The following MTHFD1L variants were observed in gnomAD, a reference collection of about 807,000 sequenced individuals.
MTHFD1L encodes monofunctional C1-tetrahydrofolate synthase, mitochondrial.
A neutral mutation model predicts 119.5 loss-of-function variants in MTHFD1L; 81 were observed. That is an observed-to-expected ratio of 0.68 (90% CI 0.57 to 0.82). The LOEUF (loss-of-function observed/expected upper bound fraction) is 0.82. Among genes scored for constraint, MTHFD1L ranks in the 40% least tolerant of loss-of-function variants. The pLI is 0.00. For missense variants in MTHFD1L, 1,125 were observed against 1,253.4 expected, an observed-to-expected ratio of 0.90 and a Z score of 1.55; for synonymous variants, 430 against 475.2, an observed-to-expected ratio of 0.90 and a Z score of 1.24.
intron 24 of MTHFD1L, among the ~76,000 whole-genome samples, chr6:151,026,329 A>C (rs899065238): frequency 2.0e-5 from 3 of 152,222 alleles, no homozygotes; most frequent in East Asian, 1.9e-4. Context: ...AGACTGTGCC[A>C]CCAATATAAC....
At chr6:150,932,843 G>GAAGGAAGGAAGGAA (rs1432193734) in intron 11 of MTHFD1L, among the ~76,000 whole-genome samples, 3 of 141,784 alleles carry the variant, frequency 2.1e-5, no homozygotes, top group African/African-American at 8.3e-5. Context: ...AGGAAGGAAG[G>GAAGGAAGGAAGGAA]GAGAGAGAGT....
intron 8 of MTHFD1L, 49 bp downstream of exon 8, chr6:150,905,810 C>A: frequency 7.3e-7 from 1 of 1,372,170 alleles, no homozygotes; most frequent in Non-Finnish European, 1.0e-6. Context: ...TCAGATAGTT[C>A]AAAGAAATGT....
chr6:150,956,528 G>T (rs1317066451), intron 17 of MTHFD1L, among the ~76,000 whole-genome samples: 1 of 152,208 alleles, frequency 6.6e-6, no homozygotes, highest in South Asian at 2.1e-4. Flanking sequence ...TACAAAAATG[G>T]CTTATTAATA....
chr6:150,899,816 A>G (rs1784824649), intron 7 of MTHFD1L, among the ~76,000 whole-genome samples: 1 of 151,872 alleles, frequency 6.6e-6, no homozygotes, highest in Middle Eastern at 3.2e-3. Flanking sequence ...TACTAAAAAT[A>G]CAAAAATTAG....
At chr6:150,996,808 G>A (rs189254883) in intron 20 of MTHFD1L, among the ~76,000 whole-genome samples, 7 of 145,206 alleles carry the variant, frequency 4.8e-5, no homozygotes, top group South Asian at 2.2e-4. Context: ...GAAAGTAGGC[G>A]TGTAGAAGCA....
rs901536180 is a variant in MTHFD1L at position 151,099,936 on chromosome 6, A to G, written c.*32-1590A>G. The G allele has an allele frequency of 3.4e-5, 37 of 1,094,178 alleles. 1 individual carries two copies. Among genetic ancestry groups the G allele is most frequent in the Non-Finnish European group, 5.0e-5 (36 of 718,796 alleles). 67.8% of individuals were successfully genotyped at this position (1,094,178 alleles called of 1,614,324 possible). On this transcript the variant is annotated intron_variant, in intron 27 of 27. Coordinates refer to ENST00000367321, the MANE Select transcript of MTHFD1L (RefSeq NM_015440.5). ...TGTGCAGCGAAGAAAATGAGTAGACAGCTCGTGTGCACATTTTCTGTTTAA... is the reference window on the plus strand; with the variant it reads ...TGTGCAGCGAAGAAAATGAGTAGACGGCTCGTGTGCACATTTTCTGTTTAA...
intron 7 of MTHFD1L, among the ~76,000 whole-genome samples, chr6:150,903,406 T>A (rs1785400366): frequency 6.6e-6 from 1 of 151,618 alleles, no homozygotes; most frequent in South Asian, 2.1e-4. Context: ...TTAGCAAATG[T>A]GTTTTGCTTT....
chr6:150,932,212 T>G (rs1791177464), intron 11 of MTHFD1L, among the ~76,000 whole-genome samples: 1 of 151,482 alleles, frequency 6.6e-6, no homozygotes. Flanking sequence ...AACCCTTTTT[T>G]GCTGTTCTGT....
At position 151,023,182 on chromosome 6, in the gene MTHFD1L, G is replaced by A. The variant is rs1015283558; in HGVS notation, c.2586+7489G>A. 2.6e-5 allele frequency among the ~76,000 whole-genome samples: 4 copies of A among 152,114 alleles called. No homozygotes were observed. In the Middle Eastern group the frequency reaches 0.01, roughly 388 times the overall value. On this transcript the variant is annotated intron_variant, in intron 24 of 27. Transcript: ENST00000367321. ...CTGCCTCAGCCTCCTGAGTAGCTGG[G>A]ATTACAGGTGTGGGCCACTATGCCC... is the stretch of plus-strand genomic sequence containing the variant.
At chr6:151,100,852 A>T (rs1316647767) in intron 27 of MTHFD1L, among the ~76,000 whole-genome samples, 2 of 152,066 alleles carry the variant, frequency 1.3e-5, no homozygotes, top group Non-Finnish European at 2.9e-5. Context: ...AGGTGACAGT[A>T]TTCCTTATCT....
At chr6:150,950,927 C>T (rs1794772595) in intron 16 of MTHFD1L, among the ~76,000 whole-genome samples, 1 of 152,102 alleles carries the variant, frequency 6.6e-6, no homozygotes, top group African/African-American at 2.4e-5. Context: ...CCTCAGCCTC[C>T]CAAAGTGCTG....
chr6:151,008,699 C>G (rs1781745231), intron 20 of MTHFD1L, among the ~76,000 whole-genome samples: 1 of 152,200 alleles, frequency 6.6e-6, no homozygotes, highest in African/African-American at 2.4e-5. Context: ...TGGTGTTTCT[C>G]TAATAAAGCT....
intron 20 of MTHFD1L, among the ~76,000 whole-genome samples, chr6:150,974,474 G>A (rs1262485436): frequency 3.3e-5 from 5 of 152,034 alleles, no homozygotes; most frequent in African/African-American, 1.2e-4. Flanking sequence ...TTGAGTGTAC[G>A]TTCATTAGTG....
chr6:151,094,671 G>A (rs1335589523), intron 27 of MTHFD1L, among the ~76,000 whole-genome samples: 1 of 152,160 alleles, frequency 6.6e-6, no homozygotes, highest in Admixed American at 6.5e-5. Context: ...AGCCTCCCAA[G>A]CAGTTGGGAT....
intron 10 of MTHFD1L, among the ~76,000 whole-genome samples, chr6:150,923,540 T>TATTTA (rs57115594): frequency 5.0e-4 from 50 of 99,152 alleles, no homozygotes; most frequent in African/African-American, 1.6e-3. Context: ...TTTATTTATT[T>TATTTA]TTTCTTTTTT....
chr6:151,000,862 G>A (rs901535374), intron 20 of MTHFD1L, among the ~76,000 whole-genome samples: 2 of 152,194 alleles, frequency 1.3e-5, no homozygotes, highest in African/African-American at 2.4e-5. Flanking sequence ...CACCAACAGC[G>A]CTTCAGAATG....
intron 15 of MTHFD1L, among the ~76,000 whole-genome samples, chr6:150,946,517 C>G (rs1167729477): frequency 6.6e-6 from 1 of 152,164 alleles, no homozygotes. Context: ...TTCTTAAAAC[C>G]TGTCTTATCT....
At chr6:150,956,456 A>G (rs75470455) in intron 17 of MTHFD1L, among the ~76,000 whole-genome samples, 1,568 of 152,326 alleles carry the variant, frequency 0.01, 18 homozygotes, top group African/African-American at 0.035. Flanking sequence ...ATATCAAAGA[A>G]CAAACACCTA....
Position 150,882,818 on chromosome 6 carries a change from T to G in MTHFD1L, c.474T>G (p.Leu158=). 1 of 1,579,732 alleles carries G rather than the reference T, an allele frequency of 6.3e-7. No individual in the cohort carries two copies. The highest frequency in any genetic ancestry group is 8.6e-7 in the Non-Finnish European group (1 of 1,168,898). ...NEDTRVHGLA[L]QISENLFSNK... is the part of the protein sequence containing the mutation. ...ATACCAGAGTACATGGCCTTGCCCT[T>G]CAGATCTCTGAGAACTTGTTTAGCA... The change falls in exon 5 of 28, where the codon CTT becomes CTG. Residue 158 remains leucine, a synonymous_variant. Coordinates refer to ENST00000367321, the MANE Select transcript of MTHFD1L (RefSeq NM_015440.5).
Sources: gnomAD v4.1 joint callset for allele counts (sites outside exome capture counted in the v4.1 genomes callset) on GRCh38, gnomAD v4.1.1 for gene constraint, MANE v1.5 for transcripts, NCBI Gene and HGNC (gene_info 2026-07-23, HGNC 2026-07-21) for gene names.